Variants in C1orf146 observed in about 807,000 individuals in gnomAD.
The protein encoded by C1orf146 is chromosome 1 open reading frame 146.
In C1orf146, 22 loss-of-function variants were observed where a neutral mutation model predicts 23.0. That is an observed-to-expected ratio of 0.96 (90% CI 0.68 to 1.36). The LOEUF (loss-of-function observed/expected upper bound fraction) is 1.36, where lower values mean the gene tolerates loss of function less well. C1orf146 is among the 40% of genes most tolerant of loss of function. The pLI is 0.00. For synonymous variants in C1orf146, 59 were observed against 65.3 expected, an observed-to-expected ratio of 0.90 and a Z score of 0.47; for missense variants, 199 against 206.8, an observed-to-expected ratio of 0.96 and a Z score of 0.23.
At chr1:92,234,410 C>T (rs1342056485) in intron 2 of C1orf146, among the ~76,000 whole-genome samples, 1 of 152,164 alleles carries the variant, frequency 6.6e-6, no homozygotes, top group Non-Finnish European at 1.5e-5. Flanking sequence ...TGCTGGATTA[C>T]ATTTATTGAT....
At chr1:92,227,078 A>G (rs995154993) in intron 1 of C1orf146, among the ~76,000 whole-genome samples, 3 of 152,192 alleles carry the variant, frequency 2.0e-5, no homozygotes, top group Non-Finnish European at 4.4e-5. Context: ...CTATTGTTGT[A>G]TATTTTAATT....
intron 2 of C1orf146, among the ~76,000 whole-genome samples, chr1:92,231,938 A>G (rs1570791529): frequency 6.6e-6 from 1 of 152,204 alleles, no homozygotes; most frequent in African/African-American, 2.4e-5. Flanking sequence ...CAACCGTTTT[A>G]AACTCCTCAG....
At chr1:92,225,534 C>A (rs1651945714) in intron 1 of C1orf146, among the ~76,000 whole-genome samples, 1 of 152,088 alleles carries the variant, frequency 6.6e-6, no homozygotes, top group Admixed American at 6.5e-5. Context: ...ATGATTTATT[C>A]TTTGATCTAT....
chr1:92,224,670 T>G (rs893554007), intron 1 of C1orf146, among the ~76,000 whole-genome samples: 2 of 152,202 alleles, frequency 1.3e-5, no homozygotes, highest in Non-Finnish European at 2.9e-5. Flanking sequence ...CAAAGAACTG[T>G]TTTCTTTATT....
intron 1 of C1orf146, among the ~76,000 whole-genome samples, chr1:92,222,929 C>G (rs1014172874): frequency 4.6e-5 from 7 of 152,172 alleles, no homozygotes; most frequent in Non-Finnish European, 8.8e-5. Context: ...ACAATATGTG[C>G]TATGCTTTTG....
At chr1:92,228,943 T>G (rs1652035968) in intron 1 of C1orf146, 2 of 421,358 alleles carry the variant, frequency 4.7e-6, no homozygotes, top group Non-Finnish European at 9.2e-6. Context: ...ATGTATGCAT[T>G]TGCCAGGGAC....
chr1:92,245,582 A>G lies in C1orf146; in HGVS notation c.451A>G (p.Ile151Val), dbSNP rs755588452. ...PYIDSICYRMITAKAYIIEQS... is the reference protein window; with the variant it reads ...PYIDSICYRMVTAKAYIIEQS... ...CATAGATAGCATTTGCTACAGAATG[A>G]TAACAGCTAAAGCTTACATCATTGA... The change falls in exon 6 of 6, where the codon ATA becomes GTA. Residue 151 changes from isoleucine (I) to valine (V), a missense_variant. Transcript: ENST00000370375. 5.0e-6 allele frequency: 8 copies of G among 1,599,728 alleles called. No homozygotes were observed. The highest frequency in any genetic ancestry group is 3.6e-5 in the Admixed American group (2 of 56,250).
At chr1:92,224,325 G>A (rs1651912687) in intron 1 of C1orf146, among the ~76,000 whole-genome samples, 1 of 152,176 alleles carries the variant, frequency 6.6e-6, no homozygotes, top group Non-Finnish European at 1.5e-5. Flanking sequence ...TGGGATTACA[G>A]GCATGAGCCA....
At chr1:92,232,596 A>G (rs1652159849) in intron 2 of C1orf146, among the ~76,000 whole-genome samples, 1 of 152,148 alleles carries the variant, frequency 6.6e-6, no homozygotes, top group Non-Finnish European at 1.5e-5. Context: ...TTATAGCAGC[A>G]TGATTTATAG....
At chr1:92,242,383 A>C (rs1652453009) in intron 3 of C1orf146, 78 bp downstream of exon 3, 1 of 745,746 alleles carries the variant, frequency 1.3e-6, no homozygotes, top group South Asian at 2.0e-5. Flanking sequence ...ATAGTTCAGT[A>C]ACCATGTAAT....
At chr1:92,239,810 A>G (rs1372002426) in intron 2 of C1orf146, among the ~76,000 whole-genome samples, 1 of 152,124 alleles carries the variant, frequency 6.6e-6, no homozygotes, top group African/African-American at 2.4e-5. Flanking sequence ...TATGTCCCAA[A>G]TATTGCATAG....
At chr1:92,224,212 G>A (rs1651910025) in intron 1 of C1orf146, among the ~76,000 whole-genome samples, 2 of 151,468 alleles carry the variant, frequency 1.3e-5, no homozygotes, top group South Asian at 4.2e-4. Context: ...CACCACACCT[G>A]GCTAATTTTT....
At position 92,244,345 on chromosome 1, in the gene C1orf146, G is replaced by A; in HGVS notation, c.289G>A (p.Gly97Arg). 6.2e-7 allele frequency: 1 copy of A among 1,610,988 alleles called. No homozygotes were observed. The highest frequency in any genetic ancestry group is 8.5e-7 in the Non-Finnish European group (1 of 1,179,214). The change falls in exon 4 of 6, where the codon GGG becomes AGG. Residue 97 changes from glycine to arginine, a missense_variant. Physicochemically the swap from Gly to Arg is moderately radical, Grantham distance 125 (BLOSUM62 -2). Coordinates refer to ENST00000370375, the MANE Select transcript of C1orf146 (RefSeq NM_001012425.2). ...SFLVLSAALHGPEEWKLMFRI... is the reference protein window; with the variant it reads ...SFLVLSAALHRPEEWKLMFRI... ...TTTGGTTTTGTCTGCTGCCCTCCAT[G>A]GGCCTGAAGAATGGAAACTGATGTT... is the stretch of plus-strand genomic sequence containing the variant.
At chr1:92,228,971 T>A (rs370699734) in intron 1 of C1orf146, 2 of 448,396 alleles carry the variant, frequency 4.5e-6, no homozygotes, top group South Asian at 3.7e-5. Flanking sequence ...TACTTCTGAA[T>A]TAACCCATGC....
At chr1:92,224,012 T>TTTTATTTA (rs146799961) in intron 1 of C1orf146, among the ~76,000 whole-genome samples, 58 of 133,374 alleles carry the variant, frequency 4.3e-4, no homozygotes, top group Middle Eastern at 3.8e-3. Flanking sequence ...TGTTGTTTTA[T>TTTTATTTA]TTTATTTATT....
At chr1:92,228,777 G>A (rs1179547903) in intron 1 of C1orf146, among the ~76,000 whole-genome samples, 1 of 152,212 alleles carries the variant, frequency 6.6e-6, no homozygotes, top group Non-Finnish European at 1.5e-5. Flanking sequence ...TCAAAGATAT[G>A]TACAGGGTAT....
At chr1:92,237,049 T>C (rs1652295836) in intron 2 of C1orf146, among the ~76,000 whole-genome samples, 1 of 152,194 alleles carries the variant, frequency 6.6e-6, no homozygotes, top group Non-Finnish European at 1.5e-5. Context: ...TTGCCTTTGG[T>C]TTGAATTTCC....
intron 1 of C1orf146, chr1:92,229,384 C>A: frequency 1.8e-6 from 1 of 541,238 alleles, no homozygotes; most frequent in Non-Finnish European, 3.7e-6. Flanking sequence ...CGGAACCGTT[C>A]GTTGCCGATG....
intron 2 of C1orf146, among the ~76,000 whole-genome samples, chr1:92,240,507 A>G (rs1344748420): frequency 6.6e-6 from 1 of 152,198 alleles, no homozygotes; most frequent in Non-Finnish European, 1.5e-5. Context: ...GTCAGGATCT[A>G]TCTGAGTGAC....
Sources: gnomAD v4.1 joint callset for allele counts (sites outside exome capture counted in the v4.1 genomes callset) on GRCh38, gnomAD v4.1.1 for gene constraint, MANE v1.5 for transcripts, NCBI Gene and HGNC (gene_info 2026-07-23, HGNC 2026-07-21) for gene names.